SLC44A5: variants seen among roughly 807,000 people sequenced by gnomAD.
The protein encoded by SLC44A5 is solute carrier family 44 member 5.
A neutral mutation model predicts 101.8 loss-of-function variants in SLC44A5; 57 were observed. The observed-to-expected ratio is 0.56, with a 90% confidence interval of 0.45 to 0.70. The LOEUF is 0.70. SLC44A5 is among the 30% of genes least tolerant of loss of function. SLC44A5 has a pLI of 0.00. For synonymous variants in SLC44A5, 281 were observed against 290.9 expected (o/e 0.97, Z 0.35); for missense variants, 737 against 853.1 (o/e 0.86, Z 1.70).
At chr1:75,455,121 A>G (rs1666114832) in intron 2 of SLC44A5, among the ~76,000 whole-genome samples, 1 of 152,178 alleles carries the variant, frequency 6.6e-6, no homozygotes, top group Non-Finnish European at 1.5e-5. Context: ...ACTTCAAACT[A>G]TATTATAAGG....
At chr1:75,480,634 G>A (rs1275761309) in intron 2 of SLC44A5, among the ~76,000 whole-genome samples, 1 of 151,994 alleles carries the variant, frequency 6.6e-6, no homozygotes. Flanking sequence ...GCCAAATCAT[G>A]AGTGAACTCC....
chr1:75,268,579 T>C (rs1651199938), intron 6 of SLC44A5, among the ~76,000 whole-genome samples: 1 of 152,128 alleles, frequency 6.6e-6, no homozygotes, highest in Admixed American at 6.6e-5. Flanking sequence ...AATATGAGAA[T>C]GAAAATAAAA....
chr1:75,249,689 T>C (rs1439191109), intron 7 of SLC44A5, among the ~76,000 whole-genome samples: 2 of 152,210 alleles, frequency 1.3e-5, no homozygotes, highest in Non-Finnish European at 2.9e-5. Context: ...CATGTTACCA[T>C]TGTACATGTA....
At chr1:75,297,630 G>A (rs529574912) in intron 5 of SLC44A5, among the ~76,000 whole-genome samples, 2 of 152,192 alleles carry the variant, frequency 1.3e-5, no homozygotes, top group South Asian at 4.2e-4. Context: ...CTATTATATT[G>A]TATACTTAAT....
chr1:75,275,034 G>A lies in SLC44A5; in HGVS notation c.184C>T (p.His62Tyr). The part of the protein sequence containing the change: ...YIVLGLVAWV[H>Y]GDPRRAAYPT... The stretch of plus-strand genomic sequence containing the variant: ...TAGGCTGCTCTTCTGGGGTCCCCAT[G>A]TACCCAGGCTGCAGGAACAAGAAAG... The change falls in exon 6 of 24, where the codon CAT (histidine) becomes TAT (tyrosine). Residue 62 changes from histidine (H) to tyrosine (Y), a missense_variant. His to Tyr is a moderately conservative substitution (Grantham distance 83, BLOSUM62 2). Coordinates refer to ENST00000370859, the MANE Select transcript of SLC44A5 (RefSeq NM_001130058.2). The A allele has an allele frequency of 6.2e-7, 1 of 1,612,614 alleles. No homozygotes were observed. The highest frequency in any genetic ancestry group is 8.5e-7 in the Non-Finnish European group (1 of 1,179,274).
chr1:75,512,714 T>C (rs1669632401), intron 2 of SLC44A5, among the ~76,000 whole-genome samples: 1 of 152,138 alleles, frequency 6.6e-6, no homozygotes, highest in Non-Finnish European at 1.5e-5. Context: ...GTAGTACCCA[T>C]TGTAATGGAG....
chr1:75,357,122 G>C, intron 3 of SLC44A5: 29 of 447,092 alleles, frequency 6.5e-5, no homozygotes, highest in South Asian at 3.9e-4. Flanking sequence ...CCACATCCAT[G>C]CCATCCAATC....
chr1:75,644,194 T>G, the SLC44A5 span, among the ~76,000 whole-genome samples: 60,562 of 151,914 alleles, frequency 0.4, 13,323 homozygotes, highest in East Asian at 0.93. Flanking sequence ...ACTAAGATAG[T>G]AAAAAAAATT....
intron 2 of SLC44A5, among the ~76,000 whole-genome samples, chr1:75,401,610 G>A (rs912604470): frequency 4.6e-5 from 7 of 152,110 alleles, no homozygotes; most frequent in Non-Finnish European, 7.3e-5. Context: ...GACACTGGGC[G>A]AGGGGCTGGG....
intron 1 of SLC44A5, among the ~76,000 whole-genome samples, chr1:75,587,910 ACTCT>A (rs796127911): frequency 1.3e-5 from 2 of 150,460 alleles, no homozygotes; most frequent in African/African-American, 4.9e-5. Flanking sequence ...CCCTGCTCTC[ACTCT>A]CTCTCTCTCT....
intron 1 of SLC44A5, among the ~76,000 whole-genome samples, chr1:75,585,746 A>G (rs1673954814): frequency 6.6e-6 from 1 of 152,244 alleles, no homozygotes; most frequent in Admixed American, 6.5e-5. Context: ...AGTAAATTAT[A>G]TAATACATTT....
Position 75,339,624 on chromosome 1 carries a change from G to T in SLC44A5, c.59C>A (p.Pro20Gln). 1 of 1,607,344 alleles carries T rather than the reference G, an allele frequency of 6.2e-7. No individual in the cohort carries two copies. The highest frequency in any genetic ancestry group is 8.5e-7 in the Non-Finnish European group (1 of 1,176,726). The change falls in exon 4 of 24, where the codon CCA becomes CAA. Residue 20 changes from proline to glutamine, a missense_variant. Around this residue, in one of 3 missense-constraint regions of SLC44A5, gnomAD observed 665 missense variants for 764.4 expected, o/e 0.87. Coordinates refer to ENST00000370859, the MANE Select transcript of SLC44A5 (RefSeq NM_001130058.2). Reference protein sequence around the residue: ...TPSEEEDFGDPRTYDPDFKGP... With the variant: ...TPSEEEDFGDQRTYDPDFKGP... ...CTTGAAATCTGGGTCATATGTCCTT[G>T]GATCACCTGCATTTAAAACAAAGAC...
At chr1:75,448,545 T>C (rs1460224962) in intron 2 of SLC44A5, among the ~76,000 whole-genome samples, 1 of 152,242 alleles carries the variant, frequency 6.6e-6, no homozygotes, top group African/African-American at 2.4e-5. Flanking sequence ...GGGTATTTAA[T>C]GGTTTCTGCT....
intron 4 of SLC44A5, 129 bp from the exon 5 acceptor site, chr1:75,300,814 C>A: frequency 3.8e-6 from 2 of 521,216 alleles, no homozygotes; most frequent in East Asian, 3.4e-5. Context: ...ATATTTTATT[C>A]AATAATTTTG....
rs1191801186 is a variant in SLC44A5, at chr1:75,275,038, C to A, written c.180G>T (p.Trp60Cys). ...CTGCTCTTCTGGGGTCCCCATGTAC[C>A]CAGGCTGCAGGAACAAGAAAGGACA... ...IGYIVLGLVA[W>C]VHGDPRRAAY... The change falls in exon 6 of 24, where the codon TGG becomes TGT. Residue 60 changes from tryptophan (W) to cysteine (C), a missense_variant. Transcript: ENST00000370859. The A allele has an allele frequency of 6.2e-7, 1 of 1,612,368 alleles. No homozygotes were observed.
the SLC44A5 span, among the ~76,000 whole-genome samples, chr1:75,706,105 C>T: frequency 6.6e-6 from 1 of 152,118 alleles, no homozygotes; most frequent in Non-Finnish European, 1.5e-5. Flanking sequence ...AAAAATCTTT[C>T]TGAGCTAAGT....
chr1:75,310,937 T>A (rs1268445129), intron 4 of SLC44A5, among the ~76,000 whole-genome samples: 1 of 152,070 alleles, frequency 6.6e-6, no homozygotes, highest in Non-Finnish European at 1.5e-5. Flanking sequence ...GAAATGGAAT[T>A]TTAAATTTAA....
chr1:75,710,104 T>TA, the SLC44A5 span: 1 of 152,062 alleles, frequency 6.6e-6, no homozygotes, highest in African/African-American at 2.4e-5. Context: ...GAAGGAAGGA[T>TA]AAAAAAGGGG....
At chr1:75,635,729 T>G in the SLC44A5 span, among the ~76,000 whole-genome samples, 992 of 150,966 alleles carry the variant, frequency 6.6e-3, 15 homozygotes, top group Admixed American at 0.036. Flanking sequence ...AATGGGTGCA[T>G]CACACCAGCA....
Sources: allele counts gnomAD v4.1 joint callset (sites outside exome capture counted in the v4.1 genomes callset), GRCh38; gene constraint gnomAD v4.1.1; regional missense constraint gnomAD v4.1.1; transcripts MANE v1.5; gene names NCBI Gene and HGNC (gene_info 2026-07-23, HGNC 2026-07-21).